The following DSTYK variants were observed in gnomAD, a reference collection of about 807,000 sequenced individuals.
DSTYK encodes the protein dual serine/threonine and tyrosine protein kinase, also known as RIP-homologous kinase.
In DSTYK, 34 loss-of-function variants were observed where a neutral mutation model predicts 98.7. That is an observed-to-expected ratio of 0.34 (90% confidence interval 0.26 to 0.46). The LOEUF (loss-of-function observed/expected upper bound fraction) is 0.46. Ranked by LOEUF, DSTYK falls within the 20% of genes least tolerant of loss-of-function variation. DSTYK has a pLI of 1.00. For missense variants in DSTYK, 962 were observed against 1,181.7 expected, an observed-to-expected ratio of 0.81 and a Z score of 2.73; for synonymous variants, 462 against 457.3, an observed-to-expected ratio of 1.01 and a Z score of -0.13.
chr1:205,147,735 T>C lies in DSTYK; in HGVS notation c.2613A>G (p.Pro871=), dbSNP rs1558596323. The C allele has an allele frequency of 1.2e-6, 2 of 1,613,424 alleles. No homozygotes were observed. The highest frequency in any genetic ancestry group is 2.2e-5 in the South Asian group (2 of 91,062). The stretch of plus-strand genomic sequence containing the variant: ...CCTCATCAAACACAGGAAGACGTTC[T>C]GGGCGAGCCCCTAGAGAAAGGAGCA... ...LWNNVRRGAR[P]ERLPVFDEEC... Residue 871 remains proline (P), a synonymous_variant, in exon 13 of 13, where the codon CCA becomes CCG. Coordinates refer to ENST00000367162, the MANE Select transcript of DSTYK (RefSeq NM_015375.3).
intron 5 of DSTYK, 44 bp downstream of exon 5, chr1:205,162,879 C>T: frequency 6.9e-7 from 1 of 1,453,192 alleles, no homozygotes; most frequent in Non-Finnish European, 9.7e-7. Flanking sequence ...TTCATTTGAG[C>T]CAACTAGGGG....
chr1:205,190,042 T>C (rs1195378026), intron 1 of DSTYK, among the ~76,000 whole-genome samples: 1 of 152,186 alleles, frequency 6.6e-6, no homozygotes, highest in Non-Finnish European at 1.5e-5. Context: ...CATACCTTAT[T>C]CTCAACTGCA....
intron 1 of DSTYK, among the ~76,000 whole-genome samples, chr1:205,192,754 C>T (rs140442826): frequency 0.073 from 11,104 of 151,932 alleles, 694 homozygotes; most frequent in African/African-American, 0.15. Context: ...CCCAGCTATT[C>T]GGGAGGCTGA....
intron 2 of DSTYK, 142 bp downstream of exon 2, chr1:205,187,276 C>T: frequency 3.0e-6 from 3 of 985,042 alleles, no homozygotes; most frequent in Non-Finnish European, 4.4e-6. Flanking sequence ...TTCAACTTCC[C>T]AGATTATGTT....
chr1:205,162,896 A>C (rs533848806), intron 5 of DSTYK, 27 bp downstream of exon 5: 2 of 1,570,746 alleles, frequency 1.3e-6, no homozygotes, highest in Non-Finnish European at 1.8e-6. Flanking sequence ...GGGGCTTTGA[A>C]ATCTTTCTCT....
At position 205,162,960 on chromosome 1, in the gene DSTYK, G is replaced by C. The variant is rs749217494; in HGVS notation, c.1604C>G (p.Ser535Trp). 2 of 1,614,030 alleles carry C rather than the reference G, an allele frequency of 1.2e-6. No homozygotes were observed. Among genetic ancestry groups the C allele is most frequent in the Non-Finnish European group, 1.7e-6 (2 of 1,179,968 alleles). Residue 535 changes from serine to tryptophan, a missense_variant, in exon 5 of 13, where the codon TCG becomes TGG. Physicochemically the swap from Ser to Trp is radical, Grantham distance 177. Transcript: ENST00000367162. The part of the protein sequence containing the change: ...YHVEVTFHSG[S>W]SVTRMLWEQI... ...CTCCCATAGCATCCTTGTAACTGAC[G>C]ACCCTGAGTGAAACGTGACTTCAAC...
At chr1:205,159,120 G>T (rs948892053) in intron 9 of DSTYK, among the ~76,000 whole-genome samples, 2 of 151,870 alleles carry the variant, frequency 1.3e-5, no homozygotes, top group Non-Finnish European at 2.9e-5. Flanking sequence ...ATAGGGTCTT[G>T]CTCTGTCACC....
At chr1:205,194,272 G>T (rs1323860804) in intron 1 of DSTYK, among the ~76,000 whole-genome samples, 1 of 152,190 alleles carries the variant, frequency 6.6e-6, no homozygotes, top group Non-Finnish European at 1.5e-5. Flanking sequence ...CAAGATGAGT[G>T]AGGAAATCTA....
intron 2 of DSTYK, among the ~76,000 whole-genome samples, chr1:205,170,178 G>A (rs929478799): frequency 6.6e-6 from 1 of 152,116 alleles, no homozygotes; most frequent in Non-Finnish European, 1.5e-5. Context: ...GAAGAAAAAG[G>A]AATTGTAATG....
At chr1:205,209,666 CT>C (rs2102492098) in intron 1 of DSTYK, among the ~76,000 whole-genome samples, 1 of 120,302 alleles carries the variant, frequency 8.3e-6, no homozygotes, top group African/African-American at 2.6e-5. Flanking sequence ...TTTTCTGATA[CT>C]GTCATGATCT....
intron 1 of DSTYK, among the ~76,000 whole-genome samples, chr1:205,209,130 T>A (rs1056510095): frequency 1.3e-5 from 2 of 152,224 alleles, no homozygotes; most frequent in Admixed American, 6.5e-5. Flanking sequence ...TGTCTTAAGT[T>A]GTTTTTTAAA....
rs565328443 is a variant in DSTYK, at chr1:205,143,109, C to G, written c.*4449G>C. 1 of 152,296 alleles carries G rather than the reference C, an allele frequency of 6.6e-6. No homozygotes were observed. Among genetic ancestry groups the G allele is most frequent in the East Asian group, 1.9e-4 (1 of 5,180 alleles). The allele number at this position is 152,296 out of a possible 1,614,324, so 9.4% of individuals were successfully genotyped here. ...TTAACATCAAACAAGCTCTATTCATCCCACCTCCATAACTGAAGGATTAAC... is the reference window on the plus strand; with the variant it reads ...TTAACATCAAACAAGCTCTATTCATGCCACCTCCATAACTGAAGGATTAAC... On this transcript the variant is annotated 3_prime_UTR_variant, in exon 13 of 13. Transcript: ENST00000367162.
intron 8 of DSTYK, 60 bp from the exon 9 acceptor site, chr1:205,159,739 C>T: frequency 6.2e-7 from 1 of 1,601,440 alleles, no homozygotes. Flanking sequence ...GCATGCCATG[C>T]CACAATGTAT....
intron 10 of DSTYK, among the ~76,000 whole-genome samples, chr1:205,156,313 G>C (rs867024880): frequency 2.0e-5 from 3 of 152,200 alleles, no homozygotes; most frequent in African/African-American, 7.2e-5. Flanking sequence ...CGTGTGCCTA[G>C]AAAAGCCACA....
At chr1:205,183,653 G>A (rs1192386564) in intron 2 of DSTYK, among the ~76,000 whole-genome samples, 1 of 152,186 alleles carries the variant, frequency 6.6e-6, no homozygotes, top group African/African-American at 2.4e-5. Context: ...AGATGGAAGG[G>A]CTGTTTAGAG....
intron 2 of DSTYK, among the ~76,000 whole-genome samples, chr1:205,177,468 A>G (rs1265334720): frequency 6.6e-6 from 1 of 152,178 alleles, no homozygotes; most frequent in African/African-American, 2.4e-5. Flanking sequence ...GTTTTCACAC[A>G]GGGCTGATTC....
chr1:205,147,507 A>T lies in DSTYK; in HGVS notation c.*51T>A, dbSNP rs11367. 0.21 allele frequency: 331,701 copies of T among 1,562,506 alleles called. 40,071 individuals carry two copies. Among genetic ancestry groups the T allele is most frequent in the East Asian group, 0.5 (22,025 of 43,964 alleles). The stretch of plus-strand genomic sequence containing the variant: ...ATGTCAAATTCTCCCCATGGCCAAA[A>T]GGTGAGGGGGAAGGAAATAACTAGA... On this transcript the variant is annotated 3_prime_UTR_variant, in exon 13 of 13. Coordinates refer to ENST00000367162, the MANE Select transcript of DSTYK (RefSeq NM_015375.3).
chr1:205,189,703 G>A (rs1658655865), intron 1 of DSTYK, among the ~76,000 whole-genome samples: 1 of 152,138 alleles, frequency 6.6e-6, no homozygotes, highest in African/African-American at 2.4e-5. Flanking sequence ...AAAGAGGTCT[G>A]TGTTCACGCA....
intron 8 of DSTYK, 35 bp downstream of exon 8, chr1:205,160,079 T>C: frequency 6.2e-7 from 1 of 1,611,522 alleles, no homozygotes. Flanking sequence ...CTTCTCTGGA[T>C]CTTTCTCATA....
Sources: allele counts gnomAD v4.1 joint callset (sites outside exome capture counted in the v4.1 genomes callset), GRCh38; gene constraint gnomAD v4.1.1; transcripts MANE v1.5; gene names NCBI Gene and HGNC (gene_info 2026-07-23, HGNC 2026-07-21).